Variants in NBPF15 observed in about 807,000 individuals in gnomAD.
NBPF15 encodes NBPF member 15.
A neutral mutation model predicts 62.2 loss-of-function variants in NBPF15; 74 were observed. That is an observed-to-expected ratio of 1.19 (90% CI 0.99 to 1.44). NBPF15 has a LOEUF of 1.44. NBPF15 is among the 40% of genes most tolerant of loss of function. NBPF15 has a pLI of 0.00. For synonymous variants in NBPF15, 244 were observed against 209.7 expected, an observed-to-expected ratio of 1.16 and a Z score of -1.41; for missense variants, 790 against 550.0, an observed-to-expected ratio of 1.44 and a Z score of -4.36.
intron 6 of NBPF15, among the ~76,000 whole-genome samples, chr1:144,448,337 G>C (rs1316981469): frequency 6.6e-6 from 1 of 151,998 alleles, no homozygotes; most frequent in African/African-American, 2.4e-5. Flanking sequence ...TTTGTCTACT[G>C]TGTCCAGACA....
chr1:144,428,512 C>G (rs77285830), intron 15 of NBPF15, 94 bp downstream of exon 15: 58 of 780,594 alleles, frequency 7.4e-5, no homozygotes, highest in African/African-American at 3.7e-4. Context: ...TCTGACAAGA[C>G]AAAATCATTA....
rs878998903 is a variant in NBPF15 at position 144,431,475 on chromosome 1, G to GTA, written c.825-1614_825-1613dup. Among the ~76,000 whole-genome samples the GTA allele has an allele frequency of 3.0e-3, 441 of 147,634 alleles. 2 individuals carry two copies. The highest frequency in any genetic ancestry group is 0.011 in the Middle Eastern group (3 of 284). Reference sequence around the variant, plus strand: ...TTCCTTTATTATTTTTTGTGTGTATGTATATATATATATATACAGATATAT... The same window carrying GTA: ...TTCCTTTATTATTTTTTGTGTGTATGTATATATATATATATATACAGATATAT... On this transcript the variant is annotated intron_variant, in intron 13 of 21. Coordinates refer to ENST00000581897, the MANE Select transcript of NBPF15 (RefSeq NM_001385408.1).
chr1:144,440,245 C>T lies in NBPF15; in HGVS notation c.-140G>A, dbSNP rs1427273087. The T allele has an allele frequency of 6.6e-7, 1 of 1,517,800 alleles. No individual in the cohort carries two copies. Among genetic ancestry groups the T allele is most frequent in the Non-Finnish European group, 8.8e-7 (1 of 1,131,176 alleles). 94.0% of individuals were successfully genotyped at this position (1,517,800 alleles called of 1,614,324 possible). ...AGAGCTGAAAGCACTGTCAGTAGCG[C>T]AGACTCTGATAAGAGTGAGGTAGAT... On this transcript the variant is annotated 5_prime_UTR_variant, in exon 7 of 22. Transcript: ENST00000581897.
chr1:144,428,418 T>G (rs1307523138), intron 15 of NBPF15, among the ~76,000 whole-genome samples, 188 bp downstream of exon 15: 2 of 152,022 alleles, frequency 1.3e-5, no homozygotes, highest in Non-Finnish European at 2.9e-5. Flanking sequence ...GGTTAGTAAA[T>G]GATAAGTGTA....
intron 6 of NBPF15, among the ~76,000 whole-genome samples, chr1:144,440,798 G>C (rs1398730162): frequency 6.7e-6 from 1 of 150,038 alleles, no homozygotes; most frequent in African/African-American, 2.4e-5. Flanking sequence ...GAATACAGGC[G>C]CCCGCCACCA....
At chr1:144,457,414 G>A (rs1330629234) in intron 3 of NBPF15, among the ~76,000 whole-genome samples, 4 of 151,912 alleles carry the variant, frequency 2.6e-5, no homozygotes, top group African/African-American at 9.7e-5. Context: ...AATCTTAGCA[G>A]CAACACATAC....
At chr1:144,444,195 C>G in intron 6 of NBPF15, among the ~76,000 whole-genome samples, 1 of 150,400 alleles carries the variant, frequency 6.6e-6, no homozygotes, top group Non-Finnish European at 1.5e-5. Context: ...ACGTGGCAGG[C>G]CAGGTCTCAC....
At chr1:144,442,159 C>A (rs1231338078) in intron 6 of NBPF15, among the ~76,000 whole-genome samples, 2 of 1,022 alleles carry the variant, frequency 2.0e-3, no homozygotes, top group Non-Finnish European at 4.6e-3. Context: ...TATATATACA[C>A]GTGTATATAT....
intron 13 of NBPF15, among the ~76,000 whole-genome samples, chr1:144,431,470 T>C (rs1452573221): frequency 1.4e-5 from 2 of 146,900 alleles, no homozygotes; most frequent in African/African-American, 2.7e-5. Flanking sequence ...ATTTTTTGTG[T>C]GTATGTATAT....
Position 144,422,764 on chromosome 1 carries a change from A to G in NBPF15, c.*249T>C. 2 of 885,410 alleles carry G rather than the reference A, an allele frequency of 2.3e-6. No individual in the cohort carries two copies. The highest frequency in any genetic ancestry group is 3.4e-6 in the Non-Finnish European group (2 of 596,818). The allele number at this position is 885,410 out of a possible 1,614,324, so 54.8% of individuals were successfully genotyped here. On this transcript the variant is annotated 3_prime_UTR_variant, in exon 22 of 22. Transcript: ENST00000581897. ...TACCCAGAGATACGTGGTTCAAATT[A>G]AAATGTCTGACTGATCACTCCCGGC...
intron 6 of NBPF15, chr1:144,440,644 T>A (rs1458204933): frequency 3.6e-5 from 6 of 166,042 alleles, no homozygotes; most frequent in Non-Finnish European, 5.2e-5. Context: ...TCTCTTGTTT[T>A]GACTTTTTTT....
intron 6 of NBPF15, among the ~76,000 whole-genome samples, chr1:144,444,283 G>A (rs1380116775): frequency 1.4e-5 from 2 of 145,352 alleles, no homozygotes; most frequent in African/African-American, 5.4e-5. Flanking sequence ...AAAAAAAAAA[G>A]AAGCCAGTGC....
At chr1:144,454,925 A>G (rs1693429161) in intron 4 of NBPF15, among the ~76,000 whole-genome samples, 1 of 151,210 alleles carries the variant, frequency 6.6e-6, no homozygotes, top group Admixed American at 6.6e-5. Context: ...CCTGCCTACA[A>G]GACAGAAGCA....
At position 144,440,422 on chromosome 1, in the gene NBPF15, G is replaced by A. The variant is rs1366284426; in HGVS notation, c.-190-127C>T. 1.0e-5 allele frequency: 6 copies of A among 575,470 alleles called. No individual in the cohort carries two copies. The Admixed American group carries it at 1.9e-4, about 18-fold the overall frequency. The allele number at this position is 575,470 out of a possible 1,614,324, so 35.6% of individuals were successfully genotyped here. ...CTCACCTGAGGGTCACCACCAATGG[G>A]GATCATTCCTTCAGCATTCACTCTC... On this transcript the variant is annotated intron_variant, in intron 6 of 21. Coordinates refer to ENST00000581897, the MANE Select transcript of NBPF15 (RefSeq NM_001385408.1).
intron 6 of NBPF15, among the ~76,000 whole-genome samples, chr1:144,445,336 T>TATATAC (rs1686664888): frequency 8.6e-6 from 1 of 116,750 alleles, no homozygotes; most frequent in African/African-American, 3.8e-5. Flanking sequence ...ACGGTGAATA[T>TATATAC]ATATATATAT....
In NBPF15 at chr1:144,423,883, G is replaced by C. The variant is rs1196125201; in HGVS notation, c.1756C>G (p.Pro586Ala). 2 of 777,156 alleles carry C rather than the reference G, an allele frequency of 2.6e-6. No individual in the cohort carries two copies. Among genetic ancestry groups the C allele is most frequent in the African/African-American group, 1.7e-5 (1 of 59,226 alleles). 48.1% of individuals were successfully genotyped at this position (777,156 alleles called of 1,614,324 possible). ...GCTGAAAGTTACCTGGGGCATGGTG[G>C]GTTGTCATCTTCCCCTTCTTTTCTT... is the stretch of plus-strand genomic sequence containing the variant. ...RGRKEGEDDN[P>A]PCPRLYGVLM... The change falls in exon 21 of 22, where the codon CCA (proline) becomes GCA (alanine). Residue 586 changes from proline (P) to alanine (A), a missense_variant. Transcript: ENST00000581897.
At chr1:144,433,256 G>T (rs1323864038) in intron 13 of NBPF15, among the ~76,000 whole-genome samples, 6 of 151,944 alleles carry the variant, frequency 3.9e-5, no homozygotes, top group Non-Finnish European at 7.4e-5. Flanking sequence ...AAACCAATGA[G>T]AACAAAGACA....
intron 3 of NBPF15, among the ~76,000 whole-genome samples, chr1:144,458,330 G>T (rs1413002742): frequency 1.3e-5 from 2 of 151,830 alleles, no homozygotes; most frequent in African/African-American, 2.4e-5. Context: ...GTAGCTCTGT[G>T]AGGCTCAAAT....
At chr1:144,447,845 A>G (rs1688655588) in intron 6 of NBPF15, among the ~76,000 whole-genome samples, 1 of 152,048 alleles carries the variant, frequency 6.6e-6, no homozygotes. Flanking sequence ...TGGGGCTGGT[A>G]CAGCCTCGCT....
Sources: gnomAD v4.1 joint callset for allele counts (sites outside exome capture counted in the v4.1 genomes callset) on GRCh38, gnomAD v4.1.1 for gene constraint, MANE v1.5 for transcripts, NCBI Gene and HGNC (gene_info 2026-07-23, HGNC 2026-07-21) for gene names.